The following TMTC1 variants were observed in gnomAD, a reference collection of about 807,000 sequenced individuals.
TMTC1 encodes the protein protein O-mannosyl-transferase TMTC1.
A neutral mutation model predicts 104.8 loss-of-function variants in TMTC1; 73 were observed. That is an observed-to-expected ratio of 0.70 (90% CI 0.58 to 0.85). The LOEUF is 0.85. Ranked by LOEUF, TMTC1 falls within the 40% of genes least tolerant of loss-of-function variation. The probability of loss-of-function intolerance (pLI) is 0.00; values close to 1 mark genes in which losing one functional copy is unlikely to be tolerated. For missense variants in TMTC1, 1,035 were observed against 1,096.1 expected (o/e 0.94, Z 0.79); for synonymous variants, 434 against 428.7 (o/e 1.01, Z -0.15).
chr12:29,760,184 A>C (rs1168033765), intron 2 of TMTC1, among the ~76,000 whole-genome samples: 1 of 152,208 alleles, frequency 6.6e-6, no homozygotes, highest in Non-Finnish European at 1.5e-5. Flanking sequence ...CTAACCACTC[A>C]TTCTCAGAAC....
chr12:29,782,798 G>A (rs564441546), intron 1 of TMTC1: 1 of 152,200 alleles, frequency 6.6e-6, no homozygotes, highest in Non-Finnish European at 1.5e-5. Flanking sequence ...AGAAGCCTAG[G>A]CTCTGCGTTA....
chr12:29,719,651 T>C (rs534389691), intron 5 of TMTC1, among the ~76,000 whole-genome samples: 1 of 152,334 alleles, frequency 6.6e-6, no homozygotes, highest in South Asian at 2.1e-4. Flanking sequence ...GGGTGGTCAC[T>C]GGGCTTTTTT....
At position 29,783,530 on chromosome 12, in the gene TMTC1, G is replaced by A. The variant is rs1367424050; in HGVS notation, c.222C>T (p.Phe74=). ...RPGAPLRWGI[F]TNDFWGKGMA... is the part of the protein sequence containing the mutation. ...TGCCCTTGCCCCAGAAGTCGTTGGTGAAGATGCCCCAGCGGAGCGGGGCGC... is the reference window on the plus strand; with the variant it reads ...TGCCCTTGCCCCAGAAGTCGTTGGTAAAGATGCCCCAGCGGAGCGGGGCGC... The change falls in exon 1 of 18, where the codon TTC becomes TTT. Residue 74 remains phenylalanine, a synonymous_variant. Coordinates refer to ENST00000539277, the MANE Select transcript of TMTC1 (RefSeq NM_001193451.2). The surrounding 1 kb of genome is among the most constrained non-coding windows in gnomAD (Gnocchi z 4.7). The A allele has an allele frequency of 8.9e-6, 13 of 1,460,308 alleles. No homozygotes were observed. Among genetic ancestry groups the A allele is most frequent in the South Asian group, 5.3e-5 (4 of 76,030 alleles). 90.5% of individuals were successfully genotyped at this position (1,460,308 alleles called of 1,614,324 possible). A position where few individuals can be genotyped will look rare whatever the true frequency, so the allele number is the denominator to read the frequency against.
chr12:29,557,794 G>A (rs1945283617), intron 9 of TMTC1, among the ~76,000 whole-genome samples: 1 of 152,160 alleles, frequency 6.6e-6, no homozygotes, highest in South Asian at 2.1e-4. Context: ...TGCAATGACT[G>A]AGAAAGGATG....
intron 8 of TMTC1, 71 bp from the exon 9 acceptor site, chr12:29,572,289 C>G (rs1945700573): frequency 3.1e-6 from 4 of 1,293,538 alleles, no homozygotes; most frequent in Non-Finnish European, 4.4e-6. Flanking sequence ...TTATGTTTTA[C>G]TCAGTTTCAT....
chr12:29,520,751 T>A, intron 11 of TMTC1, 31 bp from the exon 12 acceptor site: 1 of 1,559,408 alleles, frequency 6.4e-7, no homozygotes, highest in Non-Finnish European at 8.7e-7. Context: ...ACAAAATAAG[T>A]GAGAAAGCTT....
At chr12:29,525,424 G>A (rs977964245) in intron 11 of TMTC1, among the ~76,000 whole-genome samples, 5 of 151,866 alleles carry the variant, frequency 3.3e-5, no homozygotes, top group African/African-American at 1.2e-4. Context: ...GACCTCAGGT[G>A]ATCCACCCGC....
chr12:29,587,316 T>C (rs998774820), intron 7 of TMTC1, among the ~76,000 whole-genome samples: 5 of 152,072 alleles, frequency 3.3e-5, no homozygotes, highest in African/African-American at 1.2e-4. Flanking sequence ...TCTATTTTAT[T>C]CCTCTCTCTT....
rs150547064 is a variant in TMTC1, at chr12:29,744,683, A to C, written c.938+6983T>G. On this transcript the variant is annotated intron_variant, in intron 5 of 17. Coordinates refer to ENST00000539277, the MANE Select transcript of TMTC1 (RefSeq NM_001193451.2). Reference sequence around the variant, plus strand: ...CTCAATTAATGGTTAAGAAACAGTAACAGAAAAATCAAAAATCTTTCTTCA... The same window carrying C: ...CTCAATTAATGGTTAAGAAACAGTACCAGAAAAATCAAAAATCTTTCTTCA... 4.8e-3 allele frequency among the ~76,000 whole-genome samples: 737 copies of C among 152,314 alleles called. 13 individuals carry two copies. Among genetic ancestry groups the C allele is most frequent in the African/African-American group, 0.016 (652 of 41,558 alleles).
In TMTC1 at chr12:29,770,356, G is replaced by A. The variant is rs369988484; in HGVS notation, c.303-2281C>T. On this transcript the variant is annotated intron_variant, in intron 1 of 17. Transcript: ENST00000539277. Reference sequence around the variant, plus strand: ...GTGTCATATCTGAAAATGTCCAAGCGTTATCCATGTTATTTCTTGAACTTA... The same window carrying A: ...GTGTCATATCTGAAAATGTCCAAGCATTATCCATGTTATTTCTTGAACTTA... Among the ~76,000 whole-genome samples, 104 of 152,148 alleles carry A rather than the reference G, an allele frequency of 6.8e-4. 1 individual carries two copies. Among genetic ancestry groups the A allele is most frequent in the African/African-American group, 2.1e-3 (87 of 41,512 alleles).
At chr12:29,544,198 T>C (rs1055476502) in intron 10 of TMTC1, among the ~76,000 whole-genome samples, 1 of 149,140 alleles carries the variant, frequency 6.7e-6, no homozygotes, top group African/African-American at 2.5e-5. Context: ...GCTGAGATCA[T>C]GCCACTGCAC....
intron 5 of TMTC1, among the ~76,000 whole-genome samples, chr12:29,700,298 T>A (rs954845972): frequency 6.6e-6 from 1 of 151,368 alleles, no homozygotes; most frequent in Non-Finnish European, 1.5e-5. Flanking sequence ...AGTGGTGTGA[T>A]CTTGGCTCAC....
chr12:29,706,049 A>G (rs1941732430), intron 5 of TMTC1, among the ~76,000 whole-genome samples: 1 of 152,198 alleles, frequency 6.6e-6, no homozygotes, highest in African/African-American at 2.4e-5. Context: ...TATGTTTCCT[A>G]CAGTTCTCCC....
chr12:29,632,001 G>A lies in TMTC1; in HGVS notation c.1128+1146C>T, dbSNP rs538801598. On this transcript the variant is annotated intron_variant, in intron 6 of 17. Coordinates refer to ENST00000539277, the MANE Select transcript of TMTC1 (RefSeq NM_001193451.2). ...AACTTGCAGCAAGTAAGTCTCCCAG[G>A]GCTTTTAATTTTGCTTGTGCATATG... Among the ~76,000 whole-genome samples, 4 of 152,212 alleles carry A rather than the reference G, an allele frequency of 2.6e-5. No individual in the cohort carries two copies. In the East Asian group the frequency reaches 7.7e-4, roughly 29 times the overall value.
chr12:29,783,887 GC>G lies in TMTC1; in HGVS notation c.-137del. 1.2e-6 allele frequency: 1 copy of G among 846,784 alleles called. No individual in the cohort carries two copies. Among genetic ancestry groups the G allele is most frequent in the Non-Finnish European group, 1.4e-6 (1 of 690,282 alleles). 52.5% of individuals were successfully genotyped at this position (846,784 alleles called of 1,614,324 possible). On this transcript the variant is annotated 5_prime_UTR_variant, in exon 1 of 18. Coordinates refer to ENST00000539277, the MANE Select transcript of TMTC1 (RefSeq NM_001193451.2). The surrounding 1 kb of genome is among the most constrained non-coding windows in gnomAD (Gnocchi z 4.7). ...GCTGCGGCAGCTGGACCCGCCGCGA[GC>G]TCCCCGCGCTCCGCCGCCGCCTGCG...
chr12:29,575,948 T>C (rs1004749800), intron 8 of TMTC1, among the ~76,000 whole-genome samples: 5 of 152,186 alleles, frequency 3.3e-5, no homozygotes, highest in African/African-American at 9.7e-5. Flanking sequence ...GTAACAGTTG[T>C]GGGGTAATAC....
chr12:29,551,231 G>A (rs1326513969), intron 10 of TMTC1, among the ~76,000 whole-genome samples: 2 of 152,122 alleles, frequency 1.3e-5, no homozygotes, highest in Admixed American at 6.5e-5. Flanking sequence ...ACTCTCCGGG[G>A]CTTCAGTTAA....
intron 5 of TMTC1, among the ~76,000 whole-genome samples, chr12:29,659,188 C>A (rs1306564057): frequency 6.6e-6 from 1 of 152,234 alleles, no homozygotes; most frequent in Non-Finnish European, 1.5e-5. Context: ...GTAACATTCA[C>A]CATATGTATC....
intron 11 of TMTC1, chr12:29,534,594 T>C (rs559353041): frequency 3.0e-4 from 46 of 152,224 alleles, no homozygotes; most frequent in Non-Finnish European, 5.3e-4. Context: ...ATCTGACACT[T>C]CTTACACACA....
Sources: allele counts gnomAD v4.1 joint callset (sites outside exome capture counted in the v4.1 genomes callset), GRCh38; gene constraint gnomAD v4.1.1; non-coding constraint Gnocchi (gnomAD v3.1); transcripts MANE v1.5; gene names NCBI Gene and HGNC (gene_info 2026-07-23, HGNC 2026-07-21).